Variants in LPCAT3 observed in about 807,000 individuals in gnomAD.
LPCAT3 encodes the protein lysophosphatidylcholine acyltransferase 3, also known as lysophospholipid acyltransferase 5.
Under a neutral mutation model 63.4 loss-of-function variants are expected in LPCAT3, and 21 were observed. The observed-to-expected ratio is 0.33, with a 90% CI of 0.23 to 0.48. The LOEUF (loss-of-function observed/expected upper bound fraction) is 0.48, where lower values mean the gene tolerates loss of function less well. Ranked by LOEUF, LPCAT3 falls within the 20% of genes least tolerant of loss-of-function variation. The pLI, the probability that LPCAT3 is intolerant of heterozygous loss-of-function variation, is 0.99. For missense variants in LPCAT3, 451 were observed against 590.6 expected, an observed-to-expected ratio of 0.76 and a Z score of 2.45; for synonymous variants, 242 against 227.5, an observed-to-expected ratio of 1.06 and a Z score of -0.58.
chr12:6,989,724 C>T (rs1286330770), intron 1 of LPCAT3, among the ~76,000 whole-genome samples: 1 of 152,144 alleles, frequency 6.6e-6, no homozygotes, highest in African/African-American at 2.4e-5. Context: ...CACTCAGTTC[C>T]AAGTGCTGTT....
chr12:7,016,516 A>G (rs1946798518), intron 1 of LPCAT3, among the ~76,000 whole-genome samples: 1 of 152,006 alleles, frequency 6.6e-6, no homozygotes, highest in African/African-American at 2.4e-5. Context: ...ACCTCAAGCG[A>G]TCTGCCCACC....
chr12:7,001,245 T>G (rs1312330280), intron 1 of LPCAT3, among the ~76,000 whole-genome samples: 10 of 126,314 alleles, frequency 7.9e-5, no homozygotes, highest in African/African-American at 1.8e-4. Flanking sequence ...CTCTGGGGGG[T>G]GGGGTGGGGG....
chr12:6,993,674 C>G (rs1439637589), intron 1 of LPCAT3, among the ~76,000 whole-genome samples: 1 of 152,158 alleles, frequency 6.6e-6, no homozygotes, highest in Non-Finnish European at 1.5e-5. Flanking sequence ...TTTCACTTAG[C>G]ATGTTTTCAA....
At chr12:7,001,061 ATT>A (rs1236188814) in intron 1 of LPCAT3, among the ~76,000 whole-genome samples, 51 of 152,286 alleles carry the variant, frequency 3.3e-4, no homozygotes, top group African/African-American at 1.2e-3. Flanking sequence ...AGGCTCAGAA[ATT>A]TGAGCCACCT....
chr12:6,985,476 G>A (rs989408600), intron 1 of LPCAT3, among the ~76,000 whole-genome samples: 3 of 152,066 alleles, frequency 2.0e-5, no homozygotes, highest in Non-Finnish European at 4.4e-5. Flanking sequence ...CACTTTGGGA[G>A]GCTGAGGTGG....
intron 3 of LPCAT3, among the ~76,000 whole-genome samples, chr12:6,982,277 A>C (rs1249556588): frequency 6.6e-6 from 1 of 152,084 alleles, no homozygotes; most frequent in Non-Finnish European, 1.5e-5. Flanking sequence ...GGGCTCAAGC[A>C]ATCTGACTGC....
chr12:7,008,285 C>T lies in LPCAT3; in HGVS notation c.151+9989G>A, dbSNP rs1474244301. On this transcript the variant is annotated intron_variant, in intron 1 of 12. Transcript: ENST00000261407. ...TCTCTAGGAAGCTACTACTGTTTCA[C>T]CATAAGAACTCCAAGTGGGCCCTAA... 4.6e-5 allele frequency among the ~76,000 whole-genome samples: 7 copies of T among 152,056 alleles called. No homozygotes were observed. The East Asian group carries it at 1.3e-3, about 29-fold the overall frequency.
intron 5 of LPCAT3, 57 bp downstream of exon 5, chr12:6,981,538 C>T (rs1946471026): frequency 1.3e-6 from 2 of 1,577,576 alleles, no homozygotes; most frequent in Non-Finnish European, 1.7e-6. Flanking sequence ...TTGTTAACAA[C>T]TTTTTTCTTC....
At position 6,981,580 on chromosome 12, in the gene LPCAT3, T is replaced by C. The variant is rs782263726; in HGVS notation, c.498+15A>G. 18 of 1,613,718 alleles carry C rather than the reference T, an allele frequency of 1.1e-5. No individual in the cohort carries two copies. Among genetic ancestry groups the C allele is most frequent in the Non-Finnish European group, 2.5e-6 (3 of 1,179,564 alleles). ...ATTAAGTCTTGAACCTCTCTGCCGA[T>C]GAATGGGTACTTACCTGATCTTTCC... On this transcript the variant is annotated intron_variant, in intron 5 of 12. Coordinates refer to ENST00000261407, the MANE Select transcript of LPCAT3 (RefSeq NM_005768.6).
At chr12:6,986,002 T>C (rs2138337746) in intron 1 of LPCAT3, among the ~76,000 whole-genome samples, 1 of 152,014 alleles carries the variant, frequency 6.6e-6, no homozygotes, top group East Asian at 1.9e-4. Flanking sequence ...CTCGAACTCC[T>C]GACCTCAGGT....
intron 1 of LPCAT3, among the ~76,000 whole-genome samples, chr12:7,015,601 G>A (rs1317129202): frequency 3.9e-5 from 6 of 152,126 alleles, no homozygotes; most frequent in East Asian, 1.9e-4. Flanking sequence ...AATCCTACCC[G>A]TCCACATGAT....
Position 7,018,183 on chromosome 12 carries a change from G to A in LPCAT3, c.151+91C>T. ...CGCACCCGGCACAGCCCTCCCGGGT[G>A]GCTCCGGGAAGAGAGGGAGGTCCTG... On this transcript the variant is annotated intron_variant, in intron 1 of 12. Coordinates refer to ENST00000261407, the MANE Select transcript of LPCAT3 (RefSeq NM_005768.6). This position sits in a 1 kb window ranked among gnomAD's most constrained non-coding sequence, Gnocchi z 4.9. 6.9e-7 allele frequency: 1 copy of A among 1,452,734 alleles called. No individual in the cohort carries two copies. Among genetic ancestry groups the A allele is most frequent in the Non-Finnish European group, 9.4e-7 (1 of 1,060,866 alleles). The allele number at this position is 1,452,734 out of a possible 1,614,324, so 90.0% of individuals were successfully genotyped here.
At position 6,978,452 on chromosome 12, in the gene LPCAT3, T is replaced by G; in HGVS notation, c.929A>C (p.Lys310Thr). Residue 310 changes from lysine (K) to threonine (T), a missense_variant, in exon 9 of 13, where the codon AAG (lysine) becomes ACG (threonine). By Grantham distance (78) the Lys-to-Thr change is moderately conservative. This residue lies in a region of LPCAT3 where 304 missense variants were observed against 390.8 expected (regional missense o/e 0.78). Transcript: ENST00000261407. ...LGFNGFEEKG[K>T]AKWDACANMK... is the part of the protein sequence containing the mutation. ...GTTGGCACAGGCATCCCACTTTGCC[T>G]TGCCCTTTTCTTCAAAGCCATTGAA... 1 of 1,614,160 alleles carries G rather than the reference T, an allele frequency of 6.2e-7. No individual in the cohort carries two copies. The highest frequency in any genetic ancestry group is 8.5e-7 in the Non-Finnish European group (1 of 1,179,992).
intron 1 of LPCAT3, among the ~76,000 whole-genome samples, chr12:6,997,791 G>A (rs1268227821): frequency 6.6e-6 from 1 of 152,050 alleles, no homozygotes; most frequent in African/African-American, 2.4e-5. Flanking sequence ...TCACCATGTT[G>A]GTCAGGCTGG....
Position 6,983,662 on chromosome 12 carries a change from T to C in LPCAT3, c.152-123A>G, listed in dbSNP as rs990042238. 1.1e-5 allele frequency: 7 copies of C among 654,672 alleles called. No individual in the cohort carries two copies. The African/African-American group carries it at 1.3e-4, about 12-fold the overall frequency. 40.6% of individuals were successfully genotyped at this position (654,672 alleles called of 1,614,324 possible). On this transcript the variant is annotated intron_variant, in intron 1 of 12. Coordinates refer to ENST00000261407, the MANE Select transcript of LPCAT3 (RefSeq NM_005768.6). The stretch of plus-strand genomic sequence containing the variant: ...GAGAGAAAAAAAAAACAACATACAT[T>C]ATATGGATGGCAACAGAGAAGGCAA...
chr12:6,992,345 A>G (rs781992771), intron 1 of LPCAT3, among the ~76,000 whole-genome samples: 1 of 152,056 alleles, frequency 6.6e-6, no homozygotes, highest in African/African-American at 2.4e-5. Context: ...AACAAAAAAA[A>G]TTTACCACTT....
At chr12:6,976,919 TGGTTAGTTACTCC>T (rs1946410283) in intron 12 of LPCAT3, 28 bp from the exon 13 acceptor site, 1 of 505,504 alleles carries the variant, frequency 2.0e-6, no homozygotes, top group African/African-American at 1.9e-5. Context: ...TTTGGAAGGC[TGGTTAGTTACTCC>T]TGTAATTCCT....
chr12:7,017,043 A>G lies in LPCAT3; in HGVS notation c.151+1231T>C, dbSNP rs12579960. 0.14 allele frequency among the ~76,000 whole-genome samples: 20,553 copies of G among 152,214 alleles called. 1,991 individuals carry two copies. Among genetic ancestry groups the G allele is most frequent in the African/African-American group, 0.27 (11,304 of 41,486 alleles). ...TTAACACCCTCTGGTGATATTATATATCAGTGTTTCTACTGAATACTGGAT... is the reference window on the plus strand; with the variant it reads ...TTAACACCCTCTGGTGATATTATATGTCAGTGTTTCTACTGAATACTGGAT... On this transcript the variant is annotated intron_variant, in intron 1 of 12. Coordinates refer to ENST00000261407, the MANE Select transcript of LPCAT3 (RefSeq NM_005768.6). The surrounding 1 kb of genome is among the most constrained non-coding windows in gnomAD (Gnocchi z 4.1).
intron 7 of LPCAT3, chr12:6,979,234 G>A: frequency 1.8e-6 from 1 of 551,044 alleles, no homozygotes; most frequent in Non-Finnish European, 3.2e-6. Context: ...GGCTCCTAGA[G>A]AAGGCAACGG....
Sources: allele counts gnomAD v4.1 joint callset (sites outside exome capture counted in the v4.1 genomes callset), GRCh38; gene constraint gnomAD v4.1.1; regional missense constraint gnomAD v4.1.1; non-coding constraint Gnocchi (gnomAD v3.1); transcripts MANE v1.5; gene names NCBI Gene and HGNC (gene_info 2026-07-23, HGNC 2026-07-21).